The following VWA3B variants were observed in gnomAD, a reference collection of about 807,000 sequenced individuals.
VWA3B encodes the protein von Willebrand factor A domain-containing protein 3B.
In VWA3B, 138 loss-of-function variants were observed where a neutral mutation model predicts 158.3. The ratio of observed to expected loss-of-function variants is 0.87; its 90% CI spans 0.76 to 1.00. The LOEUF is 1.00. Among genes scored for constraint, VWA3B ranks in the 50% least tolerant of loss-of-function variants. The pLI is 0.00. For synonymous variants in VWA3B, 596 were observed against 587.3 expected (o/e 1.01, Z -0.21); for missense variants, 1,555 against 1,565.1 (o/e 0.99, Z 0.11).
intron 12 of VWA3B, among the ~76,000 whole-genome samples, chr2:98,209,637 T>C (rs1000222640): frequency 6.6e-6 from 1 of 152,188 alleles, no homozygotes; most frequent in African/African-American, 2.4e-5. Flanking sequence ...CCCCATACTC[T>C]TTCCCCTCTT....
rs185770652 is a variant in VWA3B at position 98,270,615 on chromosome 2, T to A, written c.2844-67T>A. On this transcript the variant is annotated intron_variant, in intron 21 of 27. Transcript: ENST00000477737. ...AGGAAACCATCTTACCATATTTTTTTATTATAGTCATTTTCTTTGCTTTTT... is the reference window on the plus strand; with the variant it reads ...AGGAAACCATCTTACCATATTTTTTAATTATAGTCATTTTCTTTGCTTTTT... 41 of 1,489,756 alleles carry A rather than the reference T, an allele frequency of 2.8e-5. 1 individual carries two copies. The Admixed American group carries it at 5.8e-4, about 21-fold the overall frequency. 92.3% of individuals were successfully genotyped at this position (1,489,756 alleles called of 1,614,324 possible). A position where few individuals can be genotyped will look rare whatever the true frequency, so the allele number is the denominator to read the frequency against.
At chr2:98,280,651 G>T (rs1041654552) in intron 22 of VWA3B, among the ~76,000 whole-genome samples, 16 of 152,244 alleles carry the variant, frequency 1.1e-4, no homozygotes, top group African/African-American at 3.9e-4. Flanking sequence ...GGAGAGGGAG[G>T]TGGAAACTGC....
chr2:98,181,296 G>A, intron 9 of VWA3B, 84 bp downstream of exon 9: 1 of 1,454,108 alleles, frequency 6.9e-7, no homozygotes, highest in Non-Finnish European at 9.4e-7. Context: ...CAGAAGGCAG[G>A]GGAAGGGGCA....
At position 98,129,642 on chromosome 2, in the gene VWA3B, C is replaced by T. The variant is rs532503424; in HGVS notation, c.872+1234C>T. Among the ~76,000 whole-genome samples the T allele has an allele frequency of 5.9e-5, 9 of 151,780 alleles. 1 individual carries two copies. The East Asian group carries it at 1.4e-3, about 23-fold the overall frequency. On this transcript the variant is annotated intron_variant, in intron 6 of 27. Coordinates refer to ENST00000477737, the MANE Select transcript of VWA3B (RefSeq NM_144992.5). ...CCTTATCTATTGGCCTCACAATACC[C>T]GAATAGTAATAAAACCTGCATTTAA... is the stretch of plus-strand genomic sequence containing the variant.
intron 23 of VWA3B, among the ~76,000 whole-genome samples, chr2:98,293,170 G>A (rs1217627507): frequency 6.6e-6 from 1 of 152,120 alleles, no homozygotes; most frequent in African/African-American, 2.4e-5. Flanking sequence ...ATGGCCATGT[G>A]CAATGCCTGA....
At chr2:98,093,583 T>C (rs539854645) in intron 2 of VWA3B, among the ~76,000 whole-genome samples, 1 of 152,348 alleles carries the variant, frequency 6.6e-6, no homozygotes, top group African/African-American at 2.4e-5. Flanking sequence ...TTGAAGAATG[T>C]ATACATTGTG....
At chr2:98,308,236 AT>A (rs1690647788) in intron 26 of VWA3B, among the ~76,000 whole-genome samples, 2 of 151,934 alleles carry the variant, frequency 1.3e-5, no homozygotes, top group Admixed American at 6.6e-5. Flanking sequence ...GCGGGTGCAG[AT>A]TTTCTCTTTC....
chr2:98,235,198 T>G (rs535422910), intron 17 of VWA3B, among the ~76,000 whole-genome samples: 1 of 152,326 alleles, frequency 6.6e-6, no homozygotes, highest in African/African-American at 2.4e-5. Context: ...ATTGATAAAA[T>G]TATTAATCTT....
chr2:98,304,294 C>T lies in VWA3B; in HGVS notation c.3521+492C>T, dbSNP rs368490767. Among the ~76,000 whole-genome samples, 21 of 152,114 alleles carry T rather than the reference C, an allele frequency of 1.4e-4. No individual in the cohort carries two copies. The East Asian group carries it at 3.3e-3, about 24-fold the overall frequency. On this transcript the variant is annotated intron_variant, in intron 26 of 27. Coordinates refer to ENST00000477737, the MANE Select transcript of VWA3B (RefSeq NM_144992.5). Reference sequence around the variant, plus strand: ...TAAGAGCTGTAAGGTAGACTAAAGCCAAGGCAAAAGGAAAGGGGGAGGCCT... The same window carrying T: ...TAAGAGCTGTAAGGTAGACTAAAGCTAAGGCAAAAGGAAAGGGGGAGGCCT...
At chr2:98,116,652 G>A (rs900323352) in intron 3 of VWA3B, among the ~76,000 whole-genome samples, 13 of 152,256 alleles carry the variant, frequency 8.5e-5, no homozygotes, top group African/African-American at 2.4e-4. Flanking sequence ...GACCACAGGC[G>A]TGTGCCATCA....
At chr2:98,223,822 T>G (rs1684698918) in intron 14 of VWA3B, among the ~76,000 whole-genome samples, 1 of 152,160 alleles carries the variant, frequency 6.6e-6, no homozygotes, top group South Asian at 2.1e-4. Flanking sequence ...CCTTAAACTG[T>G]TGGGCTCCTG....
At chr2:98,203,983 C>T (rs9808347) in intron 12 of VWA3B, among the ~76,000 whole-genome samples, 25,731 of 152,116 alleles carry the variant, frequency 0.17, 2,503 homozygotes, top group Non-Finnish European at 0.2. Context: ...GTAGAATTTA[C>T]ATTTTGTTAG....
chr2:98,186,460 AC>A (rs1393167411), intron 9 of VWA3B, among the ~76,000 whole-genome samples: 1 of 151,972 alleles, frequency 6.6e-6, no homozygotes, highest in African/African-American at 2.4e-5. Context: ...TCTAATAGGC[AC>A]CTTGAACCTG....
In VWA3B at chr2:98,115,695, T is replaced by C. The variant is rs1674480305; in HGVS notation, c.240T>C (p.Ala80=). The C allele has an allele frequency of 6.2e-7, 1 of 1,613,892 alleles. No homozygotes were observed. Among genetic ancestry groups the C allele is most frequent in the South Asian group, 1.1e-5 (1 of 91,086 alleles). ...SLGRPVASRY[A]DGLFPQLYRA... The stretch of plus-strand genomic sequence containing the variant: ...GGAGACCTGTGGCTTCTCGGTATGC[T>C]GATGGTCTGTTTCCACAGCTCTACA... Residue 80 remains alanine, a synonymous_variant, in exon 3 of 28, where the codon GCT becomes GCC. Transcript: ENST00000477737.
intron 7 of VWA3B, among the ~76,000 whole-genome samples, chr2:98,142,381 G>T (rs1010863555): frequency 1.3e-5 from 2 of 152,054 alleles, no homozygotes; most frequent in Non-Finnish European, 2.9e-5. Flanking sequence ...CAAGCCAAAG[G>T]CAGGCTCCCT....
In VWA3B at chr2:98,188,058, C is replaced by T. The variant is rs1348439473; in HGVS notation, c.1395C>T (p.Val465=). The T allele has an allele frequency of 1.2e-5, 20 of 1,613,912 alleles. No homozygotes were observed. The highest frequency in any genetic ancestry group is 1.6e-5 in the Non-Finnish European group (19 of 1,179,984). ...APWKDGSLVH[V]NITKEKCKWY... is the part of the protein sequence containing the mutation. ...GGAAGGATGGGAGCTTGGTCCACGTCAACATTACCAAAGAGAAGTGCAAGT... is the reference window on the plus strand; with the variant it reads ...GGAAGGATGGGAGCTTGGTCCACGTTAACATTACCAAAGAGAAGTGCAAGT... The change falls in exon 10 of 28, where the codon GTC becomes GTT. Residue 465 remains valine (V), a synonymous_variant. Coordinates refer to ENST00000477737, the MANE Select transcript of VWA3B (RefSeq NM_144992.5).
chr2:98,207,232 C>A (rs558743167), intron 12 of VWA3B: 9 of 533,814 alleles, frequency 1.7e-5, no homozygotes, highest in Non-Finnish European at 3.4e-5. Flanking sequence ...AGGCTATGTA[C>A]CTGCTGATGA....
intron 8 of VWA3B, among the ~76,000 whole-genome samples, chr2:98,175,050 A>C (rs1679891106): frequency 6.6e-6 from 1 of 152,206 alleles, no homozygotes; most frequent in Admixed American, 6.5e-5. Context: ...CAGGTGGGAG[A>C]ATCTGATTTC....
At chr2:98,221,773 C>A (rs1271556402) in intron 14 of VWA3B, among the ~76,000 whole-genome samples, 1 of 152,154 alleles carries the variant, frequency 6.6e-6, no homozygotes, top group African/African-American at 2.4e-5. Context: ...AGGGTAGCGT[C>A]CATGGTGCCC....
Sources: allele counts gnomAD v4.1 joint callset (sites outside exome capture counted in the v4.1 genomes callset), GRCh38; gene constraint gnomAD v4.1.1; transcripts MANE v1.5; gene names NCBI Gene and HGNC (gene_info 2026-07-23, HGNC 2026-07-21).